The following ZNF646 variants were observed in gnomAD, a reference collection of about 807,000 sequenced individuals.
ZNF646 encodes zinc finger protein 646.
ZNF646 carries 49 observed loss-of-function variants against 115.4 expected under a neutral mutation model. The ratio of observed to expected loss-of-function variants is 0.42; its 90% CI spans 0.34 to 0.54. The LOEUF (loss-of-function observed/expected upper bound fraction) is 0.54, where lower values mean the gene tolerates loss of function less well. Ranked by LOEUF, ZNF646 falls within the 20% of genes least tolerant of loss-of-function variation. ZNF646 has a pLI of 0.04. For synonymous variants in ZNF646, 933 were observed against 939.0 expected, an observed-to-expected ratio of 0.99 and a Z score of 0.12; for missense variants, 2,269 against 2,457.9, an observed-to-expected ratio of 0.92 and a Z score of 1.62.
chr16:31,081,769 C>A, intron 2 of ZNF646, 68 bp downstream of exon 2: 1 of 1,478,068 alleles, frequency 6.8e-7, no homozygotes, highest in Non-Finnish European at 9.0e-7. Flanking sequence ...GCCCCAAAGT[C>A]GGTGGGGGAG....
Position 31,083,634 on chromosome 16 carries a change from G to A in ZNF646, c.*542G>A. 1 of 1,516,830 alleles carries A rather than the reference G, an allele frequency of 6.6e-7. No homozygotes were observed. Among genetic ancestry groups the A allele is most frequent in the African/African-American group, 1.4e-5 (1 of 73,004 alleles). 94.0% of individuals were successfully genotyped at this position (1,516,830 alleles called of 1,614,324 possible). A position where few individuals can be genotyped will look rare whatever the true frequency, so the allele number is the denominator to read the frequency against. ...CCCTGTCCTGCAGGGTGGGGAGTGGGCACCTGTGGCCCCAGGCAGGTTCCT... is the reference window on the plus strand; with the variant it reads ...CCCTGTCCTGCAGGGTGGGGAGTGGACACCTGTGGCCCCAGGCAGGTTCCT... On this transcript the variant is annotated 3_prime_UTR_variant, in exon 3 of 3. Transcript: ENST00000300850.
At position 31,083,189 on chromosome 16, in the gene ZNF646, T is replaced by C. The variant is rs2057187990; in HGVS notation, c.*97T>C. 2.7e-6 allele frequency: 4 copies of C among 1,489,228 alleles called. No individual in the cohort carries two copies. Among genetic ancestry groups the C allele is most frequent in the Non-Finnish European group, 3.6e-6 (4 of 1,115,616 alleles). 92.3% of individuals were successfully genotyped at this position (1,489,228 alleles called of 1,614,324 possible). ...CTCAGGAGTAGTTCGGGCATCCCCA[T>C]ATCTTCTCCTCTCCCCTTGTGAAGA... On this transcript the variant is annotated 3_prime_UTR_variant, in exon 3 of 3. Coordinates refer to ENST00000300850, the MANE Select transcript of ZNF646 (RefSeq NM_014699.4).
At position 31,079,731 on chromosome 16, in the gene ZNF646, C is replaced by T. The variant is rs1240299003; in HGVS notation, c.3407C>T (p.Pro1136Leu). The T allele has an allele frequency of 1.4e-5, 23 of 1,613,508 alleles. No homozygotes were observed. Among genetic ancestry groups the T allele is most frequent in the Non-Finnish European group, 1.9e-5 (22 of 1,179,970 alleles). ...ATCCCAGAAGGAGGCAGCAACAAGC[C>T]CCAGCACATGGCAGAGGAGGGGCCG... Reference protein sequence around the residue: ...GPIPEGGSNKPQHMAEEGPGQ... With the variant: ...GPIPEGGSNKLQHMAEEGPGQ... The change falls in exon 2 of 3, where the codon CCC becomes CTC. Residue 1136 changes from proline (P) to leucine (L), a missense_variant. Pro to Leu is a moderately conservative substitution (Grantham distance 98, BLOSUM62 -3). Coordinates refer to ENST00000300850, the MANE Select transcript of ZNF646 (RefSeq NM_014699.4). The surrounding 1 kb of genome is among the most constrained non-coding windows in gnomAD (Gnocchi z 5.5).
Position 31,079,787 on chromosome 16 carries a change from G to A in ZNF646, c.3463G>A (p.Glu1155Lys). Residue 1155 changes from glutamate (E) to lysine (K), a missense_variant, in exon 2 of 3, where the codon GAA (glutamate) becomes AAA (lysine). Transcript: ENST00000300850. This position sits in a 1 kb window ranked among gnomAD's most constrained non-coding sequence, Gnocchi z 5.5. Reference sequence around the variant, plus strand: ...AGCAGAAGTCGAGAAGCTCCAGGAAGAACTTAAAGTGGAGCCCCTGGAGGA... The same window carrying A: ...AGCAGAAGTCGAGAAGCTCCAGGAAAAACTTAAAGTGGAGCCCCTGGAGGA... ...GQAEVEKLQE[E>K]LKVEPLEEVA... 1.9e-6 allele frequency: 3 copies of A among 1,613,694 alleles called. No homozygotes were observed. The highest frequency in any genetic ancestry group is 2.5e-6 in the Non-Finnish European group (3 of 1,179,936).
chr16:31,080,898 T>G lies in ZNF646; in HGVS notation c.4574T>G (p.Leu1525Arg). 1.9e-6 allele frequency: 3 copies of G among 1,614,012 alleles called. No individual in the cohort carries two copies. The highest frequency in any genetic ancestry group is 2.5e-6 in the Non-Finnish European group (3 of 1,180,012). The change falls in exon 2 of 3, where the codon CTG (leucine) becomes CGG (arginine). Residue 1525 changes from leucine to arginine, a missense_variant. Leu to Arg is a moderately radical substitution (Grantham distance 102). Around this residue, in one of 5 missense-constraint regions of ZNF646, gnomAD observed 1,062 missense variants for 1,172.8 expected, o/e 0.91. Transcript: ENST00000300850. ...SWDNRDNSSQ[L>R]QPGSHSSCSQ... ...GACAACAGAGACAACAGCTCTCAGC[T>G]GCAGCCAGGGAGCCACTCCTCTTGC...
rs1164941965 is a variant in ZNF646, at chr16:31,078,818, C to A, written c.2494C>A (p.His832Asn). Residue 832 changes from histidine (H) to asparagine (N), a missense_variant, in exon 2 of 3, where the codon CAT (histidine) becomes AAT (asparagine). Physicochemically the swap from His to Asn is moderately conservative, Grantham distance 68 (BLOSUM62 1). Coordinates refer to ENST00000300850, the MANE Select transcript of ZNF646 (RefSeq NM_014699.4). ...CTCTGACTGTGGGCATTCTTTCCCC[C>A]ATGCCACTGGCCTGCTGAGCCACAG... ...TCSDCGHSFP[H>N]ATGLLSHRPC... The A allele has an allele frequency of 6.2e-7, 1 of 1,613,956 alleles. No homozygotes were observed. The highest frequency in any genetic ancestry group is 2.2e-5 in the East Asian group (1 of 44,900).
At position 31,084,196 on chromosome 16, in the gene ZNF646, C is replaced by T. The variant is rs755144609; in HGVS notation, c.*1104C>T. On this transcript the variant is annotated 3_prime_UTR_variant, in exon 3 of 3. Coordinates refer to ENST00000300850, the MANE Select transcript of ZNF646 (RefSeq NM_014699.4). ...GAAGTAGACCTGCCAGTCCAAACTG[C>T]TGACCCAGTCCTCATAGGCAGGGAG... 4 of 1,610,414 alleles carry T rather than the reference C, an allele frequency of 2.5e-6. No homozygotes were observed. The highest frequency in any genetic ancestry group is 3.4e-6 in the Non-Finnish European group (4 of 1,178,696).
chr16:31,079,155 TG>T lies in ZNF646; in HGVS notation c.2832del (p.Gln945SerfsTer67). On this transcript the variant is annotated frameshift_variant, in exon 2 of 3. Coordinates refer to ENST00000300850, the MANE Select transcript of ZNF646 (RefSeq NM_014699.4). LOFTEE classifies it high-confidence loss of function. This position sits in a 1 kb window ranked among gnomAD's most constrained non-coding sequence, Gnocchi z 5.5. The part of the protein sequence containing the change: ...QLSEAELLNQ[L>X]QREVEALDSA... ...TCGGAAGCAGAGCTGCTGAATCAGC[TG>T]CAGCGGGAGGTGGAAGCGCTGGACA... 6.2e-7 allele frequency: 1 copy of T among 1,609,580 alleles called. No homozygotes were observed. The highest frequency in any genetic ancestry group is 8.5e-7 in the Non-Finnish European group (1 of 1,177,346).
In ZNF646 at chr16:31,083,081, T is replaced by A. The variant is rs2057186894; in HGVS notation, c.5488T>A (p.Phe1830Ile). Residue 1830 changes from phenylalanine (F) to isoleucine (I), a missense_variant, in exon 3 of 3, where the codon TTC becomes ATC. By Grantham distance (21) the Phe-to-Ile change is conservative. This residue lies in a region of ZNF646 where 1,062 missense variants were observed against 1,172.8 expected (regional missense o/e 0.91). Coordinates refer to ENST00000300850, the MANE Select transcript of ZNF646 (RefSeq NM_014699.4). Reference sequence around the variant, plus strand: ...ACCCCAGTGGCCTGCAGACCTCAGCTTCTCCCTCTGAACTTCAAGTCTCCA... The same window carrying A: ...ACCCCAGTGGCCTGCAGACCTCAGCATCTCCCTCTGAACTTCAAGTCTCCA... Reference protein sequence around the residue: ...PSPQWPADLSFSL With the variant: ...PSPQWPADLSISL 1 of 1,601,584 alleles carries A rather than the reference T, an allele frequency of 6.2e-7. No homozygotes were observed. The highest frequency in any genetic ancestry group is 8.5e-7 in the Non-Finnish European group (1 of 1,175,214).
At chr16:31,082,925 C>A (rs567529431) in intron 2 of ZNF646, 46 bp from the exon 3 acceptor site, 2 of 1,549,284 alleles carry the variant, frequency 1.3e-6, no homozygotes, top group African/African-American at 2.7e-5. Flanking sequence ...ACACGCTGTG[C>A]GGGGTCTGCC....
At position 31,080,283 on chromosome 16, in the gene ZNF646, G is replaced by A. The variant is rs1237808535; in HGVS notation, c.3959G>A (p.Ser1320Asn). 2 of 1,612,684 alleles carry A rather than the reference G, an allele frequency of 1.2e-6. No homozygotes were observed. Among genetic ancestry groups the A allele is most frequent in the Non-Finnish European group, 1.7e-6 (2 of 1,179,758 alleles). ...HAGSLLNHRR[S>N]HETGQYSCPT... Reference sequence around the variant, plus strand: ...GGCAGCCTCCTGAACCACCGGCGCAGCCACGAGACGGGCCAGTACAGCTGC... The same window carrying A: ...GGCAGCCTCCTGAACCACCGGCGCAACCACGAGACGGGCCAGTACAGCTGC... Residue 1320 changes from serine to asparagine, a missense_variant, in exon 2 of 3, where the codon AGC becomes AAC. Ser to Asn is a conservative substitution (Grantham distance 46). Around this residue, in one of 5 missense-constraint regions of ZNF646, gnomAD observed 1,062 missense variants for 1,172.8 expected, o/e 0.91. Coordinates refer to ENST00000300850, the MANE Select transcript of ZNF646 (RefSeq NM_014699.4).
Position 31,076,559 on chromosome 16 carries a change from A to G in ZNF646, c.235A>G (p.Thr79Ala), listed in dbSNP as rs2057078209. ...THETGLFPCT[T>A]CGKDFSNPMA... is the part of the protein sequence containing the mutation. ...CGAGACTGGCCTTTTCCCCTGTACC[A>G]CCTGTGGCAAGGACTTCTCCAATCC... Residue 79 changes from threonine (T) to alanine (A), a missense_variant, in exon 2 of 3, where the codon ACC becomes GCC. Transcript: ENST00000300850. 2 of 1,611,130 alleles carry G rather than the reference A, an allele frequency of 1.2e-6. No individual in the cohort carries two copies. Among genetic ancestry groups the G allele is most frequent in the Non-Finnish European group, 1.7e-6 (2 of 1,178,454 alleles).
intron 2 of ZNF646, 24 bp from the exon 3 acceptor site, chr16:31,082,947 G>T: frequency 6.4e-7 from 1 of 1,562,772 alleles, no homozygotes; most frequent in Non-Finnish European, 8.7e-7. Flanking sequence ...CTCAGTTGGT[G>T]ACCTCCTCTC....
Position 31,078,947 on chromosome 16 carries a change from G to T in ZNF646, c.2623G>T (p.Ala875Ser). ...SHFQNHRPGE[A>S]TSAQPFLCCL... ...CTTCCAGAACCATAGGCCTGGGGAG[G>T]CGACCTCAGCACAGCCTTTCCTCTG... The change falls in exon 2 of 3, where the codon GCG (alanine) becomes TCG (serine). Residue 875 changes from alanine (A) to serine (S), a missense_variant. Physicochemically the swap from Ala to Ser is moderately conservative, Grantham distance 99 (BLOSUM62 1). Transcript: ENST00000300850. 1 of 1,612,548 alleles carries T rather than the reference G, an allele frequency of 6.2e-7. No homozygotes were observed.
At position 31,077,203 on chromosome 16, in the gene ZNF646, T is replaced by A; in HGVS notation, c.879T>A (p.Pro293=). 2 of 1,614,136 alleles carry A rather than the reference T, an allele frequency of 1.2e-6. No homozygotes were observed. The change falls in exon 2 of 3, where the codon CCT becomes CCA. Residue 293 remains proline (P), a synonymous_variant. Transcript: ENST00000300850. ...NHSRLHAQYR[P]YHCPHCPRVF... The stretch of plus-strand genomic sequence containing the variant: ...CTCGACTGCATGCCCAGTATCGGCC[T>A]TACCACTGTCCCCACTGCCCCCGTG...
intron 1 of ZNF646, among the ~76,000 whole-genome samples, chr16:31,075,076 T>C (rs77079826): frequency 6.6e-6 from 1 of 152,184 alleles, no homozygotes; most frequent in East Asian, 1.9e-4. Flanking sequence ...GCCTGGCACA[T>C]GGTAATATAA....
At position 31,077,786 on chromosome 16, in the gene ZNF646, C is replaced by A; in HGVS notation, c.1462C>A (p.Arg488=). 6.2e-7 allele frequency: 1 copy of A among 1,613,972 alleles called. No individual in the cohort carries two copies. ...GSLVNHRHSH[R]TGEYQCSLCP... ...CCTGGTGAACCATCGCCACAGCCATCGGACTGGAGAGTACCAGTGCTCACT... is the reference window on the plus strand; with the variant it reads ...CCTGGTGAACCATCGCCACAGCCATAGGACTGGAGAGTACCAGTGCTCACT... The change falls in exon 2 of 3, where the codon CGG becomes AGG. Residue 488 remains arginine, a synonymous_variant. Coordinates refer to ENST00000300850, the MANE Select transcript of ZNF646 (RefSeq NM_014699.4).
In ZNF646 at chr16:31,081,635, C is replaced by T. The variant is rs199756448; in HGVS notation, c.5311C>T (p.Arg1771Cys). ...FTCPHCPRHF[R>C]RRISFVQHQQ... is the part of the protein sequence containing the mutation. ...CTGCCCCCATTGTCCCCGCCACTTC[C>T]GCCGCCGAATCAGCTTCGTGCAGCA... Residue 1771 changes from arginine to cysteine, a missense_variant, in exon 2 of 3, where the codon CGC becomes TGC. Around this residue, in one of 5 missense-constraint regions of ZNF646, gnomAD observed 1,062 missense variants for 1,172.8 expected, o/e 0.91. Transcript: ENST00000300850. The T allele has an allele frequency of 2.5e-4, 410 of 1,608,378 alleles. 2 individuals are homozygous for T. Among genetic ancestry groups the T allele is most frequent in the Middle Eastern group, 1.2e-3 (7 of 6,038 alleles).
rs2143828080 is a variant in ZNF646, at chr16:31,079,762, A to G, written c.3438A>G (p.Gln1146=). ...PQHMAEEGPG[Q]AEVEKLQEEL... ...ACATGGCAGAGGAGGGGCCGGGGCA[A>G]GCAGAAGTCGAGAAGCTCCAGGAAG... Residue 1146 remains glutamine, a synonymous_variant, in exon 2 of 3, where the codon CAA becomes CAG. Transcript: ENST00000300850. This position sits in a 1 kb window ranked among gnomAD's most constrained non-coding sequence, Gnocchi z 5.5. The G allele has an allele frequency of 6.2e-7, 1 of 1,613,502 alleles. No homozygotes were observed.
Sources: allele counts gnomAD v4.1 joint callset (sites outside exome capture counted in the v4.1 genomes callset), GRCh38; gene constraint gnomAD v4.1.1; regional missense constraint gnomAD v4.1.1; non-coding constraint Gnocchi (gnomAD v3.1); transcripts MANE v1.5; gene names NCBI Gene and HGNC (gene_info 2026-07-23, HGNC 2026-07-21).